SYNPO2: variants seen among roughly 807,000 people sequenced by gnomAD.
SYNPO2 encodes the protein synaptopodin 2.
In SYNPO2, 56 loss-of-function variants were observed where a neutral mutation model predicts 85.0. The ratio of observed to expected loss-of-function variants is 0.66; its 90% CI spans 0.53 to 0.82. The LOEUF (loss-of-function observed/expected upper bound fraction) is 0.82. SYNPO2 is among the 40% of genes least tolerant of loss of function. SYNPO2 has a pLI of 0.00. For missense variants in SYNPO2, 1,575 were observed against 1,534.2 expected, an observed-to-expected ratio of 1.03 and a Z score of -0.44; for synonymous variants, 602 against 591.1, an observed-to-expected ratio of 1.02 and a Z score of -0.27.
chr4:119,051,188 T>TTTTTTTG (rs1561030306), intron 4 of SYNPO2, among the ~76,000 whole-genome samples: 6 of 2,982 alleles, frequency 2.0e-3, no homozygotes, highest in Admixed American at 4.8e-3. Flanking sequence ...GGGAAGCAAT[T>TTTTTTTG]TTTTTTTTTT....
In SYNPO2 at chr4:118,916,174, G is replaced by GT. The variant is rs1367095180; in HGVS notation, c.105+27033_105+27034insT. On this transcript the variant is annotated intron_variant, in intron 1 of 4. Transcript: ENST00000307142. Reference sequence around the variant, plus strand: ...AATATGTCAAACTTAGGGTTTTTTGGGTTTTTTTTTTTTTCTGAGACAGAA... The same window carrying GT: ...AATATGTCAAACTTAGGGTTTTTTGGTGTTTTTTTTTTTTTCTGAGACAGAA... Among the ~76,000 whole-genome samples the GT allele has an allele frequency of 2.5e-4, 38 of 149,402 alleles. 1 individual carries two copies. In the East Asian group the frequency reaches 5.7e-3, roughly 22 times the overall value.
chr4:118,949,590 A>C (rs948985350), intron 1 of SYNPO2, among the ~76,000 whole-genome samples: 23 of 151,896 alleles, frequency 1.5e-4, no homozygotes, highest in African/African-American at 4.8e-4. Flanking sequence ...AAAAAAAAAA[A>C]AAACAAAAAT....
At chr4:119,005,110 G>T (rs1412462112) in intron 1 of SYNPO2, among the ~76,000 whole-genome samples, 1 of 152,100 alleles carries the variant, frequency 6.6e-6, no homozygotes, top group South Asian at 2.1e-4. Context: ...TGAGTTCATT[G>T]TAGATTCTGG....
chr4:118,920,316 T>G (rs1733491148), intron 1 of SYNPO2, among the ~76,000 whole-genome samples: 1 of 152,144 alleles, frequency 6.6e-6, no homozygotes, highest in Non-Finnish European at 1.5e-5. Context: ...CCAGGGTGCC[T>G]AGTAAGCAAT....
intron 2 of SYNPO2, among the ~76,000 whole-genome samples, chr4:119,025,897 A>G (rs1737915553): frequency 6.6e-6 from 1 of 152,314 alleles, no homozygotes; most frequent in Admixed American, 6.5e-5. Context: ...GCTGTGGTGT[A>G]CAGCTCTAGG....
chr4:119,056,118 C>T (rs375246936), intron 4 of SYNPO2, among the ~76,000 whole-genome samples: 12 of 152,096 alleles, frequency 7.9e-5, no homozygotes, highest in South Asian at 4.1e-4. Flanking sequence ...ACCCTTTCTG[C>T]GTTTTTGCCA....
intron 1 of SYNPO2, among the ~76,000 whole-genome samples, chr4:118,851,948 G>GT (rs892383679): frequency 7.9e-5 from 12 of 152,138 alleles, no homozygotes; most frequent in African/African-American, 2.4e-4. Flanking sequence ...CTCAGCAAGA[G>GT]TTTTTTTTTT....
chr4:118,886,958 T>C (rs1732208687), upstream of SYNPO2, among the ~76,000 whole-genome samples: 1 of 152,172 alleles, frequency 6.6e-6, no homozygotes, highest in Admixed American at 6.5e-5. Flanking sequence ...CACAGGTCCT[T>C]GAATAATGCC....
intron 1 of SYNPO2, among the ~76,000 whole-genome samples, chr4:118,897,523 G>T (rs1732588883): frequency 6.6e-6 from 1 of 152,112 alleles, no homozygotes; most frequent in Admixed American, 6.5e-5. Context: ...CATGACCAAT[G>T]AGTGTCATTT....
At chr4:118,940,028 C>T (rs367912174) in intron 1 of SYNPO2, among the ~76,000 whole-genome samples, 7 of 147,876 alleles carry the variant, frequency 4.7e-5, no homozygotes, top group African/African-American at 1.2e-4. Context: ...GCTCTGTCCC[C>T]GGGCTGGAGT....
chr4:119,053,530 C>A (rs770299270), intron 4 of SYNPO2, among the ~76,000 whole-genome samples: 15 of 152,242 alleles, frequency 9.9e-5, no homozygotes, highest in Admixed American at 4.6e-4. Flanking sequence ...GCATGTTTGG[C>A]GTGAGATTTT....
intron 1 of SYNPO2, among the ~76,000 whole-genome samples, chr4:118,987,228 G>A (rs1398173713): frequency 6.6e-6 from 1 of 152,206 alleles, no homozygotes; most frequent in Admixed American, 6.5e-5. Context: ...TAAGACTACA[G>A]TGAAATTTAT....
At chr4:118,907,371 TC>T (rs1158216890) in intron 1 of SYNPO2, among the ~76,000 whole-genome samples, 1 of 152,188 alleles carries the variant, frequency 6.6e-6, no homozygotes, top group Non-Finnish European at 1.5e-5. Flanking sequence ...ATACAGACCA[TC>T]TTGTAGAGTT....
chr4:119,037,345 A>C, intron 4 of SYNPO2: 1 of 1,256,000 alleles, frequency 8.0e-7, no homozygotes, highest in Non-Finnish European at 1.0e-6. Context: ...GAGTTGAAAA[A>C]ATTTCAAAAA....
At chr4:118,977,036 G>C (rs557316224) in intron 1 of SYNPO2, among the ~76,000 whole-genome samples, 1 of 152,362 alleles carries the variant, frequency 6.6e-6, no homozygotes, top group South Asian at 2.1e-4. Flanking sequence ...TGCCAGTCCG[G>C]CGCCGTGCGC....
chr4:118,959,949 C>T (rs534797982), intron 1 of SYNPO2, among the ~76,000 whole-genome samples: 118 of 152,222 alleles, frequency 7.8e-4, no homozygotes, highest in South Asian at 1.5e-3. Context: ...AAGGAACTTG[C>T]GCTGGAGAGG....
In SYNPO2 at chr4:118,860,286, C is replaced by T. The variant is rs183111636; in HGVS notation, c.12+9346C>T. Among the ~76,000 whole-genome samples, 764 of 152,286 alleles carry T rather than the reference C, an allele frequency of 5.0e-3. 5 individuals carry two copies. Among genetic ancestry groups the T allele is most frequent in the African/African-American group, 0.018 (737 of 41,542 alleles). On this transcript the variant is annotated intron_variant, in intron 1 of 4. Coordinates refer to the SYNPO2 transcript ENST00000610556. Reference sequence around the variant, plus strand: ...TGAGACAGGGTCTCACTCTGTCGCCCAGGCTGGAGTGTAGTGGCATGATCA... The same window carrying T: ...TGAGACAGGGTCTCACTCTGTCGCCTAGGCTGGAGTGTAGTGGCATGATCA...
chr4:118,906,515 G>A (rs2149121745), intron 1 of SYNPO2, among the ~76,000 whole-genome samples: 1 of 152,168 alleles, frequency 6.6e-6, no homozygotes, highest in East Asian at 1.9e-4. Flanking sequence ...TTTTTGATTA[G>A]AGCTATTTTA....
chr4:119,046,867 A>G (rs1404647966), intron 4 of SYNPO2, among the ~76,000 whole-genome samples: 1 of 152,194 alleles, frequency 6.6e-6, no homozygotes, highest in Non-Finnish European at 1.5e-5. Flanking sequence ...CTTTCTCACA[A>G]ACAGATTTCC....
Sources: gnomAD v4.1 joint callset for allele counts (sites outside exome capture counted in the v4.1 genomes callset) on GRCh38, gnomAD v4.1.1 for gene constraint, MANE v1.5 for transcripts, NCBI Gene and HGNC (gene_info 2026-07-23, HGNC 2026-07-21) for gene names.